Variants in GON4L observed in about 807,000 individuals in gnomAD.
The protein encoded by GON4L is gon-4 like, also known as GON-4-like protein.
In GON4L, 87 loss-of-function variants were observed where a neutral mutation model predicts 211.8. The observed-to-expected ratio is 0.41, with a 90% CI of 0.35 to 0.49. The LOEUF is 0.49. GON4L is among the 20% of genes least tolerant of loss of function. GON4L has a pLI of 0.15. For missense variants in GON4L, 2,155 were observed against 2,659.5 expected, an observed-to-expected ratio of 0.81 and a Z score of 4.17; for synonymous variants, 875 against 962.6, an observed-to-expected ratio of 0.91 and a Z score of 1.68.
intron 12 of GON4L, among the ~76,000 whole-genome samples, chr1:155,791,551 T>G (rs1431300767): frequency 6.7e-6 from 1 of 149,920 alleles, no homozygotes; most frequent in African/African-American, 2.5e-5. Flanking sequence ...ATAAATTGCT[T>G]TTTTTTTTCT....
Position 155,822,455 on chromosome 1 carries a change from C to T in GON4L, c.719G>A (p.Ser240Asn). 1 of 1,613,562 alleles carries T rather than the reference C, an allele frequency of 6.2e-7. No homozygotes were observed. The highest frequency in any genetic ancestry group is 8.5e-7 in the Non-Finnish European group (1 of 1,179,656). ...IPMEEQDNEE[S>N]EKRRKKKKGT... ...CTTTTTCTTTTTTCTCCTTTTCTCACTTTCTTCATTGTCTTGTTCTTCTGC... is the reference window on the plus strand; with the variant it reads ...CTTTTTCTTTTTTCTCCTTTTCTCATTTTCTTCATTGTCTTGTTCTTCTGC... Residue 240 changes from serine to asparagine, a missense_variant, in exon 4 of 32, where the codon AGT becomes AAT. This residue lies in a region of GON4L where 313 missense variants were observed against 293.2 expected (regional missense o/e 1.07). Coordinates refer to ENST00000368331, the MANE Select transcript of GON4L (RefSeq NM_001282860.2).
intron 27 of GON4L, among the ~76,000 whole-genome samples, chr1:155,755,659 T>C (rs1407292344): frequency 6.6e-6 from 1 of 152,140 alleles, no homozygotes; most frequent in African/African-American, 2.4e-5. Context: ...TCAAGAAATA[T>C]TTAAGTCAGA....
Position 155,765,224 on chromosome 1 carries a change from A to C in GON4L, c.4249T>G (p.Ser1417Ala). ...CTAAGCCTCACTTCAGGATCCATTG[A>C]GGACAAAGCATTCTTTGATGATCCT... Reference protein sequence around the residue: ...NKGSSKNALSSMDPEVRLSSP... With the variant: ...NKGSSKNALSAMDPEVRLSSP... Residue 1417 changes from serine to alanine, a missense_variant, in exon 21 of 32, where the codon TCA becomes GCA. By Grantham distance (99) the Ser-to-Ala change is moderately conservative. Coordinates refer to ENST00000368331, the MANE Select transcript of GON4L (RefSeq NM_001282860.2). The C allele has an allele frequency of 6.2e-7, 1 of 1,614,194 alleles. No homozygotes were observed. The highest frequency in any genetic ancestry group is 8.5e-7 in the Non-Finnish European group (1 of 1,180,030).
intron 10 of GON4L, among the ~76,000 whole-genome samples, chr1:155,806,489 C>T (rs1357042015): frequency 1.3e-5 from 2 of 151,870 alleles, no homozygotes; most frequent in Non-Finnish European, 2.9e-5. Context: ...GGGGGGACTC[C>T]CTATGTTGCC....
chr1:155,771,173 G>A lies in GON4L; in HGVS notation c.2540C>T (p.Pro847Leu). The A allele has an allele frequency of 6.2e-7, 1 of 1,614,092 alleles. No homozygotes were observed. Among genetic ancestry groups the A allele is most frequent in the Non-Finnish European group, 8.5e-7 (1 of 1,180,002 alleles). Residue 847 changes from proline (P) to leucine (L), a missense_variant, in exon 19 of 32, where the codon CCT becomes CTT. This residue lies in a region of GON4L where 551 missense variants were observed against 854.0 expected (regional missense o/e 0.65). Transcript: ENST00000368331. ...AAGGTACTTGCTGATTAGAGGATTA[G>A]GAAACTCAGTTCCTTCAAAATGCTT... ...GLKHFEGTEF[P>L]NPLISKYLLT...
At chr1:155,787,088 AT>A (rs1165241854) in intron 12 of GON4L, among the ~76,000 whole-genome samples, 1 of 33,816 alleles carries the variant, frequency 3.0e-5, no homozygotes, top group African/African-American at 4.4e-5. Flanking sequence ...TGCCTGGCTA[AT>A]TTTTTGTATT....
At chr1:155,769,663 T>A (rs142813650) in intron 19 of GON4L, among the ~76,000 whole-genome samples, 1 of 152,192 alleles carries the variant, frequency 6.6e-6, no homozygotes, top group East Asian at 1.9e-4. Context: ...AATGCGATTA[T>A]TTACTCCAAG....
At chr1:155,845,526 C>T in intron 2 of GON4L, 3 of 327,256 alleles carry the variant, frequency 9.2e-6, no homozygotes, top group South Asian at 8.1e-5. Flanking sequence ...CTTGATGTAT[C>T]CAGCAGTTTT....
chr1:155,830,355 G>A (rs1201849995), intron 2 of GON4L, among the ~76,000 whole-genome samples: 4 of 151,296 alleles, frequency 2.6e-5, no homozygotes, highest in Non-Finnish European at 4.4e-5. Flanking sequence ...TCAGCTCACC[G>A]CAACCTCCGC....
At chr1:155,839,325 C>T (rs1235686429) in intron 2 of GON4L, among the ~76,000 whole-genome samples, 1 of 151,738 alleles carries the variant, frequency 6.6e-6, no homozygotes, top group African/African-American at 2.4e-5. Context: ...TGGTATTGTT[C>T]TAGAGTAGTA....
At chr1:155,803,905 T>C (rs1477838179) in intron 11 of GON4L, among the ~76,000 whole-genome samples, 3 of 152,014 alleles carry the variant, frequency 2.0e-5, no homozygotes, top group Admixed American at 6.6e-5. Flanking sequence ...GGAAGTAAAA[T>C]AGAGAGGAAA....
chr1:155,846,423 T>G (rs1401488287), intron 2 of GON4L: 1 of 147,678 alleles, frequency 6.8e-6, no homozygotes, highest in Non-Finnish European at 1.5e-5. Context: ...CTCGGGAGGC[T>G]GAGGCAGGAG....
intron 28 of GON4L, among the ~76,000 whole-genome samples, 165 bp from the exon 29 acceptor site, chr1:155,753,579 C>A (rs563378276): frequency 6.6e-6 from 1 of 152,268 alleles, no homozygotes; most frequent in South Asian, 2.1e-4. Context: ...GTGGTACATG[C>A]CTATAAACCT....
intron 6 of GON4L, among the ~76,000 whole-genome samples, chr1:155,817,096 C>A (rs1318320172): frequency 6.6e-6 from 1 of 152,104 alleles, no homozygotes; most frequent in African/African-American, 2.4e-5. Context: ...CTCAAGCGAT[C>A]CTCCTGCCTC....
At chr1:155,795,179 C>T (rs140975780) in intron 11 of GON4L, 28 bp from the exon 12 acceptor site, 6 of 1,150,882 alleles carry the variant, frequency 5.2e-6, no homozygotes, top group Middle Eastern at 2.0e-4. Context: ...TTCAGATGCT[C>T]ATTAACTCTG....
At chr1:155,852,568 C>T (rs891014887) in intron 2 of GON4L, among the ~76,000 whole-genome samples, 1 of 151,796 alleles carries the variant, frequency 6.6e-6, no homozygotes, top group Non-Finnish European at 1.5e-5. Context: ...AGTGAAACCC[C>T]GCCTCTACTA....
intron 2 of GON4L, chr1:155,846,205 C>A: frequency 4.4e-6 from 1 of 229,272 alleles, no homozygotes; most frequent in African/African-American, 2.3e-5. Context: ...AGATTGCCAA[C>A]TGGGATGCAG....
At chr1:155,792,383 T>C (rs945588230) in intron 12 of GON4L, among the ~76,000 whole-genome samples, 1 of 152,174 alleles carries the variant, frequency 6.6e-6, no homozygotes, top group African/African-American at 2.4e-5. Context: ...ATTACAGAAC[T>C]GTATGACTAG....
At chr1:155,753,545 T>C in intron 28 of GON4L, 131 bp from the exon 29 acceptor site, 1 of 685,864 alleles carries the variant, frequency 1.5e-6, no homozygotes, top group South Asian at 1.8e-5. Flanking sequence ...AACAATTTTG[T>C]TGACAGAGTT....
Sources: allele counts gnomAD v4.1 joint callset (sites outside exome capture counted in the v4.1 genomes callset), GRCh38; gene constraint gnomAD v4.1.1; regional missense constraint gnomAD v4.1.1; transcripts MANE v1.5; gene names NCBI Gene and HGNC (gene_info 2026-07-23, HGNC 2026-07-21).